Variants in PIAS1 observed in about 807,000 individuals in gnomAD.
PIAS1 encodes the protein protein inhibitor of activated STAT 1, also known as E3 SUMO-protein ligase PIAS1.
A neutral mutation model predicts 71.3 loss-of-function variants in PIAS1; 6 were observed. The ratio of observed to expected loss-of-function variants is 0.08; its 90% CI spans 0.05 to 0.17. The LOEUF (loss-of-function observed/expected upper bound fraction) is 0.17. Among genes scored for constraint, PIAS1 ranks in the 10% least tolerant of loss-of-function variants. The pLI is 1.00. For synonymous variants in PIAS1, 303 were observed against 292.9 expected (o/e 1.03, Z -0.35); for missense variants, 555 against 793.6 (o/e 0.70, Z 3.61).
chr15:68,177,096 A>G (rs1230785385), intron 11 of PIAS1, among the ~76,000 whole-genome samples: 1 of 152,146 alleles, frequency 6.6e-6, no homozygotes, highest in Non-Finnish European at 1.5e-5. Context: ...CCTGGGCAAC[A>G]TGGTGAAACC....
rs964034994 is a variant in PIAS1, at chr15:68,174,557, A to G, written c.1169+665A>G. Among the ~76,000 whole-genome samples the G allele has an allele frequency of 6.6e-6, 1 of 152,140 alleles. No individual in the cohort carries two copies. Among genetic ancestry groups the G allele is most frequent in the Non-Finnish European group, 1.5e-5 (1 of 68,036 alleles). ...TTTTTTTGGGGATGGGGGGTTAGAG[A>G]CAGAGTCTTGCCATTTTGCCCAGGC... is the stretch of plus-strand genomic sequence containing the variant. On this transcript the variant is annotated intron_variant, in intron 9 of 13. Transcript: ENST00000249636. This position sits in a 1 kb window ranked among gnomAD's most constrained non-coding sequence, Gnocchi z 4.0.
At chr15:68,144,851 G>A (rs1374163487) in intron 4 of PIAS1, among the ~76,000 whole-genome samples, 1 of 152,064 alleles carries the variant, frequency 6.6e-6, no homozygotes, top group Non-Finnish European at 1.5e-5. Context: ...ATATAAAATT[G>A]TTTTATATTG....
intron 7 of PIAS1, among the ~76,000 whole-genome samples, chr15:68,157,802 C>T (rs1292711869): frequency 2.6e-5 from 4 of 152,150 alleles, no homozygotes; most frequent in Non-Finnish European, 5.9e-5. Flanking sequence ...CTCTCCCCTG[C>T]GTTTCAGACT....
intron 1 of PIAS1, among the ~76,000 whole-genome samples, chr15:68,074,077 G>T (rs992071776): frequency 6.6e-6 from 1 of 152,178 alleles, no homozygotes; most frequent in Non-Finnish European, 1.5e-5. Context: ...AATATGTTGA[G>T]TTGATGACTC....
chr15:68,109,490 A>G (rs539257390), intron 2 of PIAS1, among the ~76,000 whole-genome samples: 141 of 152,300 alleles, frequency 9.3e-4, no homozygotes, highest in African/African-American at 3.4e-3. Flanking sequence ...AGTTGAGTAA[A>G]TATTTGTAGA....
chr15:68,123,153 G>A (rs1160733930), intron 2 of PIAS1, among the ~76,000 whole-genome samples: 6 of 152,176 alleles, frequency 3.9e-5, no homozygotes, highest in African/African-American at 1.4e-4. Context: ...CTAGGCTAAA[G>A]TGGTCCTCCT....
chr15:68,094,288 CT>C lies in PIAS1; in HGVS notation c.469+7539del, dbSNP rs1199534716. 2.0e-5 allele frequency among the ~76,000 whole-genome samples: 3 copies of C among 151,278 alleles called. No homozygotes were observed. In the South Asian group the frequency reaches 6.2e-4, roughly 32 times the overall value. On this transcript the variant is annotated intron_variant, in intron 2 of 13. Transcript: ENST00000249636. ...AAGAAAACTAGATTGACCCTTTTTC[CT>C]ATTTAAAGTAGAATATTTCTTTGGA...
At chr15:68,124,797 T>A (rs1041565708) in intron 2 of PIAS1, among the ~76,000 whole-genome samples, 2 of 152,246 alleles carry the variant, frequency 1.3e-5, no homozygotes, top group Non-Finnish European at 2.9e-5. Context: ...AGGCTCATTT[T>A]AAAAATCCCA....
At chr15:68,102,472 CTACAAA>C (rs1198914377) in intron 2 of PIAS1, among the ~76,000 whole-genome samples, 2 of 152,182 alleles carry the variant, frequency 1.3e-5, no homozygotes, top group African/African-American at 4.8e-5. Flanking sequence ...TCTTCTCGCT[CTACAAA>C]TAGTCTTGCT....
intron 1 of PIAS1, among the ~76,000 whole-genome samples, chr15:68,064,532 G>A (rs1163789653): frequency 6.6e-6 from 1 of 152,194 alleles, no homozygotes; most frequent in East Asian, 1.9e-4. Flanking sequence ...ATGAATTTCA[G>A]TTTATCAGAG....
At chr15:68,146,935 C>G (rs1168367665) in intron 6 of PIAS1, among the ~76,000 whole-genome samples, 1 of 152,182 alleles carries the variant, frequency 6.6e-6, no homozygotes, top group Non-Finnish European at 1.5e-5. Context: ...TGTATCATCA[C>G]ATGTTCTTCT....
At position 68,141,552 on chromosome 15, in the gene PIAS1, G is replaced by T. The variant is rs1183652031; in HGVS notation, c.470-394G>T. On this transcript the variant is annotated intron_variant, in intron 2 of 13. Coordinates refer to ENST00000249636, the MANE Select transcript of PIAS1 (RefSeq NM_016166.3). ...TCATCTCACCTGTCTAGCTCTCAAG[G>T]TGGGTATGTTTGTTACTTCTTCCAG... Among the ~76,000 whole-genome samples the T allele has an allele frequency of 2.0e-5, 3 of 152,086 alleles. No individual in the cohort carries two copies. The East Asian group carries it at 5.8e-4, about 29-fold the overall frequency.
chr15:68,100,291 T>C (rs2092412066), intron 2 of PIAS1, among the ~76,000 whole-genome samples: 1 of 152,148 alleles, frequency 6.6e-6, no homozygotes, highest in Non-Finnish European at 1.5e-5. Context: ...TTTTATTAGT[T>C]GTATTTGCAG....
chr15:68,084,264 G>A (rs1015511068), intron 1 of PIAS1, among the ~76,000 whole-genome samples: 1 of 151,976 alleles, frequency 6.6e-6, no homozygotes, highest in Non-Finnish European at 1.5e-5. Context: ...TCTGTAAAAT[G>A]CAGTACATTT....
Position 68,075,078 on chromosome 15 carries a change from C to CTT in PIAS1, c.25-11203_25-11202dup, listed in dbSNP as rs146114696. Among the ~76,000 whole-genome samples the CTT allele has an allele frequency of 2.3e-3, 186 of 81,760 alleles. 4 individuals carry two copies. The highest frequency in any genetic ancestry group is 3.7e-3 in the African/African-American group (76 of 20,606). The allele number at this position is 81,760 out of a possible 152,430, so 53.6% of individuals were successfully genotyped here. A position where few individuals can be genotyped will look rare whatever the true frequency, so the allele number is the denominator to read the frequency against. Reference sequence around the variant, plus strand: ...ATAAAAACATTTTCTTTCTTTCTTTCTTTTTTTTTTTTTTTTTTTTTTTTT... The same window carrying CTT: ...ATAAAAACATTTTCTTTCTTTCTTTCTTTTTTTTTTTTTTTTTTTTTTTTTTT... On this transcript the variant is annotated intron_variant, in intron 1 of 13. Coordinates refer to ENST00000249636, the MANE Select transcript of PIAS1 (RefSeq NM_016166.3).
intron 2 of PIAS1, among the ~76,000 whole-genome samples, chr15:68,103,978 T>A (rs1054205797): frequency 1.3e-5 from 2 of 152,244 alleles, no homozygotes; most frequent in African/African-American, 4.8e-5. Flanking sequence ...CTGGCTCATA[T>A]GGTAACTTTG....
chr15:68,088,176 G>GTATATATATATATATA (rs71455574), intron 2 of PIAS1, among the ~76,000 whole-genome samples: 4,465 of 72,268 alleles, frequency 0.062, 386 homozygotes, highest in East Asian at 0.17. Context: ...TTATGTGTGT[G>GTATATATATATATATA]TATATATATA....
chr15:68,127,142 T>G (rs1399875769), intron 2 of PIAS1, among the ~76,000 whole-genome samples: 2 of 151,402 alleles, frequency 1.3e-5, no homozygotes, highest in Non-Finnish European at 2.9e-5. Context: ...GCCAGGCTGG[T>G]CTTGAACTCT....
chr15:68,156,828 A>G (rs2092893509), intron 7 of PIAS1, among the ~76,000 whole-genome samples: 1 of 152,186 alleles, frequency 6.6e-6, no homozygotes, highest in South Asian at 2.1e-4. Context: ...AAAACCATTA[A>G]AAGATTTTTA....
Sources: gnomAD v4.1 joint callset for allele counts (sites outside exome capture counted in the v4.1 genomes callset) on GRCh38, gnomAD v4.1.1 for gene constraint, Gnocchi (gnomAD v3.1) non-coding constraint, MANE v1.5 for transcripts, NCBI Gene and HGNC (gene_info 2026-07-23, HGNC 2026-07-21) for gene names.